The following EN1 variants were observed in gnomAD, a reference collection of about 807,000 sequenced individuals.
EN1 encodes the protein homeobox protein engrailed-1.
A neutral mutation model predicts 22.9 loss-of-function variants in EN1; 8 were observed. That is an observed-to-expected ratio of 0.35 (90% CI 0.20 to 0.63). EN1 has a LOEUF of 0.63. EN1 is among the 20% of genes least tolerant of loss of function. The pLI, the probability that EN1 is intolerant of heterozygous loss-of-function variation, is 0.73. For synonymous variants in EN1, 287 were observed against 262.5 expected (o/e 1.09, Z -0.90); for missense variants, 521 against 572.1 (o/e 0.91, Z 0.91).
chr2:118,847,131 C>A lies in EN1; in HGVS notation c.37G>T (p.Asp13Tyr), dbSNP rs1678292036. Reference sequence around the variant, plus strand: ...GCCGCCGCCGCGCCGAGGGCCGAGTCGCGCTGACTTTTAGGTTCCGGCTGC... The same window carrying A: ...GCCGCCGCCGCGCCGAGGGCCGAGTAGCGCTGACTTTTAGGTTCCGGCTGC... ...EQQPEPKSQR[D>Y]SALGAAAAAT... The change falls in exon 1 of 2, where the codon GAC becomes TAC. Residue 13 changes from aspartate to tyrosine, a missense_variant. Asp to Tyr is a radical substitution (Grantham distance 160). Transcript: ENST00000295206. 3 of 1,317,648 alleles carry A rather than the reference C, an allele frequency of 2.3e-6. No homozygotes were observed. Among genetic ancestry groups the A allele is most frequent in the Non-Finnish European group, 3.0e-6 (3 of 992,978 alleles). The allele number at this position is 1,317,648 out of a possible 1,614,324, so 81.6% of individuals were successfully genotyped here.
intron 1 of EN1, chr2:118,844,339 G>A (rs998931066): frequency 6.6e-6 from 1 of 152,074 alleles, no homozygotes; most frequent in Admixed American, 6.5e-5. Context: ...TTGACCACCA[G>A]ATAGGAATGG....
Position 118,846,639 on chromosome 2 carries a change from A to C in EN1, c.529T>G (p.Cys177Gly). 6.6e-7 allele frequency: 1 copy of C among 1,519,016 alleles called. No homozygotes were observed. Among genetic ancestry groups the C allele is most frequent in the Non-Finnish European group, 8.8e-7 (1 of 1,141,986 alleles). 94.1% of individuals were successfully genotyped at this position (1,519,016 alleles called of 1,614,324 possible). ...ASLLCAPDANCGPPDGSQPAA... is the reference protein window; with the variant it reads ...ASLLCAPDANGGPPDGSQPAA... The stretch of plus-strand genomic sequence containing the variant: ...GGCTGGGAGCCGTCGGGTGGGCCAC[A>C]GTTCGCGTCCGGGGCGCACAGGAGC... Residue 177 changes from cysteine to glycine, a missense_variant, in exon 1 of 2, where the codon TGT becomes GGT. Coordinates refer to ENST00000295206, the MANE Select transcript of EN1 (RefSeq NM_001426.4). The surrounding 1 kb of genome is among the most constrained non-coding windows in gnomAD (Gnocchi z 5.0).
At position 118,842,904 on chromosome 2, in the gene EN1, G is replaced by C. The variant is rs781397520; in HGVS notation, c.*34C>G. 1.9e-6 allele frequency: 3 copies of C among 1,581,112 alleles called. No homozygotes were observed. Among genetic ancestry groups the C allele is most frequent in the South Asian group, 2.3e-5 (2 of 87,888 alleles). On this transcript the variant is annotated 3_prime_UTR_variant, in exon 2 of 2. Transcript: ENST00000295206. ...CGGGAGACGACGGCGGCGGTGCCGGGAGGGGGCGCGGGCGCGGCCCCGGCC... is the reference window on the plus strand; with the variant it reads ...CGGGAGACGACGGCGGCGGTGCCGGCAGGGGGCGCGGGCGCGGCCCCGGCC...
In EN1 at chr2:118,846,416, A is replaced by G; in HGVS notation, c.752T>C (p.Leu251Pro). ...CCCGCCGTTGGCTGAGCCCATAAGT[A>G]GGATAGCCGGGTTGCCGTGCTCCGG... ...KYPEHGNPAI[L>P]LMGSANGGPV... is the part of the protein sequence containing the mutation. Residue 251 changes from leucine to proline, a missense_variant, in exon 1 of 2, where the codon CTA (leucine) becomes CCA (proline). Transcript: ENST00000295206. This position sits in a 1 kb window ranked among gnomAD's most constrained non-coding sequence, Gnocchi z 5.0. 1 of 1,613,380 alleles carries G rather than the reference A, an allele frequency of 6.2e-7. No homozygotes were observed. Among genetic ancestry groups the G allele is most frequent in the Non-Finnish European group, 8.5e-7 (1 of 1,179,892 alleles).
rs764160256 is a variant in EN1, at chr2:118,846,298, G to C, written c.862+8C>G. 2.5e-6 allele frequency: 4 copies of C among 1,607,490 alleles called. No homozygotes were observed. The Admixed American group carries it at 6.7e-5, about 27-fold the overall frequency. On this transcript the variant is annotated splice_region_variant and intron_variant, in intron 1 of 1. Coordinates refer to ENST00000295206, the MANE Select transcript of EN1 (RefSeq NM_001426.4). The surrounding 1 kb of genome is among the most constrained non-coding windows in gnomAD (Gnocchi z 5.0). ...AAGGCATGGCGCAGCCCGGAGTTGGGTACTCACCGGAGGATGGACGATCCG... is the reference window on the plus strand; with the variant it reads ...AAGGCATGGCGCAGCCCGGAGTTGGCTACTCACCGGAGGATGGACGATCCG...
chr2:118,842,788 T>G lies in EN1; in HGVS notation c.*150A>C. The G allele has an allele frequency of 7.7e-7, 1 of 1,307,094 alleles. No homozygotes were observed. Among genetic ancestry groups the G allele is most frequent in the Non-Finnish European group, 1.0e-6 (1 of 985,534 alleles). 81.0% of individuals were successfully genotyped at this position (1,307,094 alleles called of 1,614,324 possible). On this transcript the variant is annotated 3_prime_UTR_variant, in exon 2 of 2. Transcript: ENST00000295206. ...AAAATGCTGCGTTTCAACGTCATTG[T>G]CCATTCTGAGGCTCTCTTTCTGTCT...
Position 118,847,096 on chromosome 2 carries a change from CGGA to C in EN1, c.69_71del (p.Pro24del). On this transcript the variant is annotated inframe_deletion, in exon 1 of 2. Coordinates refer to ENST00000295206, the MANE Select transcript of EN1 (RefSeq NM_001426.4). ...GACTGAGGCTCAGGCTGAGGCCGCC[CGGA>C]GTCGCCGCCGCCGCCGCGCCGAGGG... 7.1e-7 allele frequency: 1 copy of C among 1,410,108 alleles called. No homozygotes were observed. The highest frequency in any genetic ancestry group is 9.3e-7 in the Non-Finnish European group (1 of 1,078,982). The allele number at this position is 1,410,108 out of a possible 1,614,324, so 87.3% of individuals were successfully genotyped here.
At chr2:118,844,622 A>G (rs1558800738) in intron 1 of EN1, among the ~76,000 whole-genome samples, 1 of 152,254 alleles carries the variant, frequency 6.6e-6, no homozygotes, top group Non-Finnish European at 1.5e-5. Context: ...CTGTCTGGAA[A>G]GAAGGATCTT....
rs1423958583 is a variant in EN1, at chr2:118,847,416, G to A, written c.-249C>T. On this transcript the variant is annotated 5_prime_UTR_variant, in exon 1 of 2. Transcript: ENST00000295206. ...TAGACATCCAGATATGGAGACACTT[G>A]GCTATTTCTTTTTTCTTTCTGCAAC... 3.0e-6 allele frequency: 1 copy of A among 335,014 alleles called. No individual in the cohort carries two copies. The highest frequency in any genetic ancestry group is 4.9e-5 in the Admixed American group (1 of 20,604). The allele number at this position is 335,014 out of a possible 1,614,324, so 20.8% of individuals were successfully genotyped here. A position where few individuals can be genotyped will look rare whatever the true frequency, so the allele number is the denominator to read the frequency against.
rs1678297794 is a variant in EN1, at chr2:118,847,382, TC to T, written c.-216del. The T allele has an allele frequency of 5.6e-6, 2 of 356,438 alleles. No homozygotes were observed. The highest frequency in any genetic ancestry group is 1.0e-5 in the Non-Finnish European group (2 of 200,012). The allele number at this position is 356,438 out of a possible 1,614,324, so 22.1% of individuals were successfully genotyped here. On this transcript the variant is annotated 5_prime_UTR_variant, in exon 1 of 2. An upstream open reading frame in the 5' UTR loses its in-frame stop. Coordinates refer to ENST00000295206, the MANE Select transcript of EN1 (RefSeq NM_001426.4). ...AGATAGATCTCGCTGTCTCTCCCTC[TC>T]TAATTTGTAGACATCCAGATATGGA... is the stretch of plus-strand genomic sequence containing the variant.
Position 118,847,095 on chromosome 2 carries a change from C to T in EN1, c.73G>A (p.Gly25Ser). Residue 25 changes from glycine to serine, a missense_variant, in exon 1 of 2, where the codon GGC (glycine) becomes AGC (serine). Transcript: ENST00000295206. ...ALGAAAAATPGGLSLSLSPGA... is the reference protein window; with the variant it reads ...ALGAAAAATPSGLSLSLSPGA... ...GGACTGAGGCTCAGGCTGAGGCCGC[C>T]CGGAGTCGCCGCCGCCGCCGCGCCG... The T allele has an allele frequency of 7.1e-7, 1 of 1,412,044 alleles. No homozygotes were observed. The highest frequency in any genetic ancestry group is 1.4e-5 in the South Asian group (1 of 71,372). 87.5% of individuals were successfully genotyped at this position (1,412,044 alleles called of 1,614,324 possible).
In EN1 at chr2:118,847,022, G is replaced by T; in HGVS notation, c.146C>A (p.Pro49Gln). ...GGGGGGCGCAGGCTGCGGGGACACC[G>T]GCACGCTGTCTCCATCGCTGCCGCT... Reference protein sequence around the residue: ...SGSGSDGDSVPVSPQPAPPSP... With the variant: ...SGSGSDGDSVQVSPQPAPPSP... Residue 49 changes from proline to glutamine, a missense_variant, in exon 1 of 2, where the codon CCG (proline) becomes CAG (glutamine). By Grantham distance (76) the Pro-to-Gln change is moderately conservative. Coordinates refer to ENST00000295206, the MANE Select transcript of EN1 (RefSeq NM_001426.4). 2 of 1,405,516 alleles carry T rather than the reference G, an allele frequency of 1.4e-6. No homozygotes were observed. The highest frequency in any genetic ancestry group is 1.8e-6 in the Non-Finnish European group (2 of 1,084,056). The allele number at this position is 1,405,516 out of a possible 1,614,324, so 87.1% of individuals were successfully genotyped here. A position where few individuals can be genotyped will look rare whatever the true frequency, so the allele number is the denominator to read the frequency against.
chr2:118,844,416 C>T (rs1196880295), intron 1 of EN1: 2 of 152,174 alleles, frequency 1.3e-5, no homozygotes, highest in African/African-American at 4.8e-5. Flanking sequence ...GGGAGGAGGG[C>T]CCACTGAGAA....
At chr2:118,845,213 AGCT>A (rs1678250218) in intron 1 of EN1, among the ~76,000 whole-genome samples, 1 of 152,212 alleles carries the variant, frequency 6.6e-6, no homozygotes, top group Non-Finnish European at 1.5e-5. Context: ...CCCGGCCGGC[AGCT>A]GTGGGGCGGC....
chr2:118,843,289 G>T (rs1367444408), intron 1 of EN1, 35 bp from the exon 2 acceptor site: 1 of 760,590 alleles, frequency 1.3e-6, no homozygotes, highest in South Asian at 1.7e-5. Flanking sequence ...TGGGGTGGGG[G>T]TGGGGACCGA....
At chr2:118,845,622 C>T (rs1167252577) in intron 1 of EN1, among the ~76,000 whole-genome samples, 1 of 152,206 alleles carries the variant, frequency 6.6e-6, no homozygotes, top group Non-Finnish European at 1.5e-5. Context: ...GTTTTCTCTC[C>T]TCTCCCACTG....
In EN1 at chr2:118,847,057, G is replaced by C; in HGVS notation, c.111C>G (p.Gly37=). ...LSLSLSPGAS[G]SSGSGSDGDS... ...CTCCATCGCTGCCGCTGCCGCTGCT[G>C]CCGCTGGCGCCCGGACTGAGGCTCA... is the stretch of plus-strand genomic sequence containing the variant. The change falls in exon 1 of 2, where the codon GGC becomes GGG. Residue 37 remains glycine (G), a synonymous_variant. Coordinates refer to ENST00000295206, the MANE Select transcript of EN1 (RefSeq NM_001426.4). 1 of 1,417,556 alleles carries C rather than the reference G, an allele frequency of 7.1e-7. No homozygotes were observed. The highest frequency in any genetic ancestry group is 9.2e-7 in the Non-Finnish European group (1 of 1,087,934). 87.8% of individuals were successfully genotyped at this position (1,417,556 alleles called of 1,614,324 possible). A position where few individuals can be genotyped will look rare whatever the true frequency, so the allele number is the denominator to read the frequency against.
At position 118,846,393 on chromosome 2, in the gene EN1, C is replaced by T. The variant is rs1678268360; in HGVS notation, c.775G>A (p.Gly259Arg). Residue 259 changes from glycine to arginine, a missense_variant, in exon 1 of 2, where the codon GGG (glycine) becomes AGG (arginine). By Grantham distance (125) the Gly-to-Arg change is moderately radical (BLOSUM62 -2). Transcript: ENST00000295206. This position sits in a 1 kb window ranked among gnomAD's most constrained non-coding sequence, Gnocchi z 5.0. The part of the protein sequence containing the change: ...AILLMGSANG[G>R]PVVKTDSQQP... ...TGCGAGTCAGTTTTGACCACGGGCC[C>T]GCCGTTGGCTGAGCCCATAAGTAGG... The T allele has an allele frequency of 6.2e-7, 1 of 1,613,310 alleles. No homozygotes were observed. The highest frequency in any genetic ancestry group is 8.5e-7 in the Non-Finnish European group (1 of 1,179,880).
In EN1 at chr2:118,846,155, A is replaced by C. The variant is rs1678264316; in HGVS notation, c.862+151T>G. ...GCCAGGATCGCATAGCTGGATGAAC[A>C]TTCGGTTGTGACTGGAACTGGGGTG... is the stretch of plus-strand genomic sequence containing the variant. On this transcript the variant is annotated intron_variant, in intron 1 of 1. Coordinates refer to ENST00000295206, the MANE Select transcript of EN1 (RefSeq NM_001426.4). This position sits in a 1 kb window ranked among gnomAD's most constrained non-coding sequence, Gnocchi z 5.0. 8.0e-7 allele frequency: 1 copy of C among 1,248,180 alleles called. No homozygotes were observed. Among genetic ancestry groups the C allele is most frequent in the African/African-American group, 1.5e-5 (1 of 64,954 alleles). The allele number at this position is 1,248,180 out of a possible 1,614,324, so 77.3% of individuals were successfully genotyped here.
Sources: gnomAD v4.1 joint callset for allele counts (sites outside exome capture counted in the v4.1 genomes callset) on GRCh38, gnomAD v4.1.1 for gene constraint, Gnocchi (gnomAD v3.1) non-coding constraint, MANE v1.5 for transcripts, NCBI Gene and HGNC (gene_info 2026-07-23, HGNC 2026-07-21) for gene names.